STX12: variants seen among roughly 807,000 people sequenced by gnomAD.
STX12 encodes the protein syntaxin 12.
Under a neutral mutation model 42.2 loss-of-function variants are expected in STX12, and 17 were observed. That is an observed-to-expected ratio of 0.40 (90% CI 0.28 to 0.60). STX12 has a LOEUF of 0.60. Among genes scored for constraint, STX12 ranks in the 20% least tolerant of loss-of-function variants. The pLI, the probability that STX12 is intolerant of heterozygous loss-of-function variation, is 0.39. For missense variants in STX12, 297 were observed against 330.9 expected, an observed-to-expected ratio of 0.90 and a Z score of 0.79; for synonymous variants, 108 against 116.7, an observed-to-expected ratio of 0.93 and a Z score of 0.48.
At chr1:27,817,724 T>C in intron 6 of STX12, 127 bp from the exon 7 acceptor site, 2 of 736,718 alleles carry the variant, frequency 2.7e-6, no homozygotes, top group Non-Finnish European at 2.3e-6. Context: ...TTTCTGTTTA[T>C]GGAGAAAGCA....
chr1:27,818,924 G>A (rs2088963233), intron 7 of STX12, among the ~76,000 whole-genome samples: 1 of 147,110 alleles, frequency 6.8e-6, no homozygotes, highest in Non-Finnish European at 1.5e-5. Flanking sequence ...ACCACGCCTG[G>A]CCAGTAACTC....
chr1:27,784,194 T>G (rs1571517622), intron 1 of STX12, among the ~76,000 whole-genome samples: 1 of 150,996 alleles, frequency 6.6e-6, no homozygotes, highest in Non-Finnish European at 1.5e-5. Context: ...AAAAAAAAAG[T>G]GTCACTTTAC....
At chr1:27,806,971 C>G (rs1207390300) in intron 4 of STX12, among the ~76,000 whole-genome samples, 1 of 152,142 alleles carries the variant, frequency 6.6e-6, no homozygotes, top group Non-Finnish European at 1.5e-5. Context: ...CCCACCAGGT[C>G]CCTCCCTTCG....
intron 3 of STX12, among the ~76,000 whole-genome samples, chr1:27,800,184 G>A (rs2088817938): frequency 1.3e-5 from 2 of 152,160 alleles, no homozygotes; most frequent in Admixed American, 1.3e-4. Context: ...TTCAAGTTCT[G>A]CCACCATGCC....
At position 27,817,913 on chromosome 1, in the gene STX12, T is replaced by C. The variant is rs765131357; in HGVS notation, c.639T>C (p.Gly213=). ...KDLAMMIHDQ[G]DLIDSIEANV... ...TGGCCATGATGATCCATGACCAGGG[T>C]GATCTGATTGGTATGTATTATTGAT... Residue 213 remains glycine, a synonymous_variant, in exon 7 of 9, where the codon GGT becomes GGC. Coordinates refer to ENST00000373943, the MANE Select transcript of STX12 (RefSeq NM_177424.3). 6.2e-7 allele frequency: 1 copy of C among 1,613,758 alleles called. No homozygotes were observed. Among genetic ancestry groups the C allele is most frequent in the East Asian group, 2.2e-5 (1 of 44,862 alleles).
chr1:27,813,324 C>T (rs2088917595), intron 6 of STX12, among the ~76,000 whole-genome samples: 1 of 152,104 alleles, frequency 6.6e-6, no homozygotes, highest in Non-Finnish European at 1.5e-5. Context: ...TACCAGTACG[C>T]ACCACCACAC....
At chr1:27,818,540 A>G (rs2088959699) in intron 7 of STX12, among the ~76,000 whole-genome samples, 1 of 152,046 alleles carries the variant, frequency 6.6e-6, no homozygotes, top group South Asian at 2.1e-4. Context: ...ACTCAGTCCC[A>G]TTGACTTCTT....
At chr1:27,816,027 T>C (rs1370662654) in intron 6 of STX12, among the ~76,000 whole-genome samples, 2 of 151,578 alleles carry the variant, frequency 1.3e-5, no homozygotes, top group Admixed American at 1.3e-4. Flanking sequence ...AATACAAAAA[T>C]TAGGGCCGGG....
chr1:27,812,702 A>G (rs922160343), intron 6 of STX12, among the ~76,000 whole-genome samples: 2 of 152,076 alleles, frequency 1.3e-5, no homozygotes, highest in African/African-American at 2.4e-5. Flanking sequence ...CGGCCTCCCA[A>G]AGTGCTGGGA....
intron 3 of STX12, among the ~76,000 whole-genome samples, chr1:27,798,157 A>G (rs1447701787): frequency 6.6e-6 from 1 of 152,212 alleles, no homozygotes; most frequent in Admixed American, 6.5e-5. Context: ...GGCTTACTTT[A>G]TAATATTTAA....
chr1:27,802,414 A>G (rs977984890), intron 4 of STX12, among the ~76,000 whole-genome samples: 16 of 152,218 alleles, frequency 1.1e-4, no homozygotes, highest in Non-Finnish European at 1.2e-4. Context: ...CTAAGAGACT[A>G]TATCCTTAGA....
chr1:27,792,117 A>G (rs1387146052), intron 2 of STX12, among the ~76,000 whole-genome samples: 5 of 137,960 alleles, frequency 3.6e-5, no homozygotes, highest in South Asian at 4.3e-4. Context: ...ATATAAATAT[A>G]TAATATATAT....
chr1:27,814,663 A>G (rs982544154), intron 6 of STX12, among the ~76,000 whole-genome samples: 16 of 152,144 alleles, frequency 1.1e-4, no homozygotes, highest in Non-Finnish European at 2.1e-4. Flanking sequence ...AGCCTGACCA[A>G]CATGGTAAAA....
chr1:27,810,001 G>T (rs557704186), intron 4 of STX12: 3 of 344,934 alleles, frequency 8.7e-6, no homozygotes, highest in East Asian at 4.5e-5. Flanking sequence ...TTTCTCCTAC[G>T]CATATTATTC....
chr1:27,804,881 A>G (rs2088852958), intron 4 of STX12, among the ~76,000 whole-genome samples: 1 of 152,072 alleles, frequency 6.6e-6, no homozygotes, highest in Non-Finnish European at 1.5e-5. Context: ...GAAGTATTTA[A>G]TTTATATAGG....
At chr1:27,822,052 C>T (rs1557809774) in intron 8 of STX12, among the ~76,000 whole-genome samples, 179 bp from the exon 9 acceptor site, 1 of 151,922 alleles carries the variant, frequency 6.6e-6, no homozygotes, top group South Asian at 2.1e-4. Context: ...ACAAAAAACA[C>T]TTGCACTACT....
Position 27,781,136 on chromosome 1 carries a change from C to T in STX12, c.118+7711C>T, listed in dbSNP as rs1029068708. Among the ~76,000 whole-genome samples the T allele has an allele frequency of 3.9e-5, 6 of 151,986 alleles. No individual in the cohort carries two copies. The South Asian group carries it at 8.3e-4, about 21-fold the overall frequency. On this transcript the variant is annotated intron_variant, in intron 1 of 8. Transcript: ENST00000373943. Reference sequence around the variant, plus strand: ...TCAGCTCACTGCAACCTCTGCCTCCCGGGGTTAAGCAATTCTCATGCCTCA... The same window carrying T: ...TCAGCTCACTGCAACCTCTGCCTCCTGGGGTTAAGCAATTCTCATGCCTCA...
chr1:27,781,408 G>T (rs1195472898), intron 1 of STX12, among the ~76,000 whole-genome samples: 1 of 152,068 alleles, frequency 6.6e-6, no homozygotes, highest in Non-Finnish European at 1.5e-5. Flanking sequence ...AGTTAGGTAG[G>T]CAGGCTCAGG....
intron 3 of STX12, among the ~76,000 whole-genome samples, chr1:27,796,244 C>G (rs986214700): frequency 6.6e-6 from 1 of 152,168 alleles, no homozygotes; most frequent in African/African-American, 2.4e-5. Context: ...CTTTTCTCAT[C>G]TAATTAATCT....
Sources: gnomAD v4.1 joint callset for allele counts (sites outside exome capture counted in the v4.1 genomes callset) on GRCh38, gnomAD v4.1.1 for gene constraint, MANE v1.5 for transcripts, NCBI Gene and HGNC (gene_info 2026-07-23, HGNC 2026-07-21) for gene names.